LRRFIP1: variants seen among roughly 807,000 people sequenced by gnomAD.
LRRFIP1 encodes leucine-rich repeat flightless-interacting protein 1.
A neutral mutation model predicts 104.4 loss-of-function variants in LRRFIP1; 62 were observed. The ratio of observed to expected loss-of-function variants is 0.59; its 90% CI spans 0.48 to 0.73. The LOEUF is 0.73. Among genes scored for constraint, LRRFIP1 ranks in the 30% least tolerant of loss-of-function variants. The pLI is 0.00. For synonymous variants in LRRFIP1, 300 were observed against 299.0 expected (o/e 1.00, Z -0.03); for missense variants, 796 against 824.5 (o/e 0.97, Z 0.42).
At chr2:237,628,027 C>T (rs2149212521) in intron 1 of LRRFIP1, among the ~76,000 whole-genome samples, 1 of 151,692 alleles carries the variant, frequency 6.6e-6, no homozygotes, top group South Asian at 2.1e-4. Flanking sequence ...CCGCTGCGCC[C>T]TCGGGAGAGG....
chr2:237,711,517 G>T lies in LRRFIP1; in HGVS notation c.184-2742G>T, dbSNP rs866505097. Among the ~76,000 whole-genome samples the T allele has an allele frequency of 2.0e-4, 30 of 152,204 alleles. No individual in the cohort carries two copies. Among genetic ancestry groups the T allele is most frequent in the African/African-American group, 6.8e-4 (28 of 41,444 alleles). On this transcript the variant is annotated intron_variant, in intron 2 of 23. Coordinates refer to ENST00000308482, the MANE Select transcript of LRRFIP1 (RefSeq NM_001137550.2). The surrounding 1 kb of genome is among the most constrained non-coding windows in gnomAD (Gnocchi z 4.4). ...TTTGGCCAACGTCACCTTTTGCACG[G>T]TCCTCTGTGGATCTGCAGTCTCGGC...
At chr2:237,769,211 C>T (rs533213203) in intron 19 of LRRFIP1, 3 of 152,452 alleles carry the variant, frequency 2.0e-5, no homozygotes, top group Admixed American at 2.0e-4. Context: ...TGCCTTTAAA[C>T]TAGTGTGGGA....
intron 8 of LRRFIP1, among the ~76,000 whole-genome samples, chr2:237,729,526 G>C (rs540161741): frequency 4.5e-4 from 68 of 152,332 alleles, no homozygotes; most frequent in Non-Finnish European, 8.2e-4. Flanking sequence ...ATTGTGAAAA[G>C]CAGTACTAGA....
rs77110887 is a variant in LRRFIP1 at position 237,647,557 on chromosome 2, G to A, written c.96+19817G>A. ...GCAGGGTTGAGGGAGCAGAAGCGGG[G>A]TCCTGCCCTGTTGCCTGGTGGCCGG... On this transcript the variant is annotated intron_variant, in intron 1 of 23. Transcript: ENST00000308482. 5.2e-3 allele frequency among the ~76,000 whole-genome samples: 787 copies of A among 152,228 alleles called. 12 individuals are homozygous for A. The highest frequency in any genetic ancestry group is 0.018 in the African/African-American group (752 of 41,584).
intron 1 of LRRFIP1, among the ~76,000 whole-genome samples, chr2:237,679,269 T>C (rs1301600677): frequency 6.6e-6 from 1 of 152,246 alleles, no homozygotes; most frequent in African/African-American, 2.4e-5. Context: ...TTTTAAATGC[T>C]ATTTAAATTC....
At chr2:237,658,372 A>G (rs1053406496) in intron 1 of LRRFIP1, among the ~76,000 whole-genome samples, 1 of 152,254 alleles carries the variant, frequency 6.6e-6, no homozygotes, top group Admixed American at 6.5e-5. Flanking sequence ...AAGTTTATCT[A>G]CATAATGCAG....
At chr2:237,694,630 TG>T (rs1315286610) in intron 1 of LRRFIP1, among the ~76,000 whole-genome samples, 1 of 152,130 alleles carries the variant, frequency 6.6e-6, no homozygotes, top group Non-Finnish European at 1.5e-5. Context: ...AAGGAGGGAC[TG>T]GGGGCCGCAC....
At chr2:237,648,365 GA>G (rs2085320717) in intron 1 of LRRFIP1, among the ~76,000 whole-genome samples, 1 of 151,944 alleles carries the variant, frequency 6.6e-6, no homozygotes, top group African/African-American at 2.4e-5. Context: ...GTTCTTTGCT[GA>G]AATTATGTGG....
chr2:237,774,588 C>A, intron 23 of LRRFIP1, 126 bp downstream of exon 23: 1 of 675,498 alleles, frequency 1.5e-6, no homozygotes, highest in Non-Finnish European at 2.6e-6. Context: ...TCATCCCACA[C>A]CACTCTGCAG....
chr2:237,719,845 C>T (rs1406882918), intron 5 of LRRFIP1, among the ~76,000 whole-genome samples: 1 of 151,516 alleles, frequency 6.6e-6, no homozygotes, highest in Non-Finnish European at 1.5e-5. Context: ...CTTTTTGTGC[C>T]ATTGAATACC....
Position 237,771,364 on chromosome 2 carries a change from CCCTGCACGGAGT to C in LRRFIP1, c.1510-709_1510-698del, listed in dbSNP as rs1355904227. ...TTCCAAAAAGCATAGCTTGAATTTG[CCCTGCACGGAGT>C]CCTGCACTGAATCCACACAAATGAA... On this transcript the variant is annotated intron_variant, in intron 20 of 23. Coordinates refer to ENST00000308482, the MANE Select transcript of LRRFIP1 (RefSeq NM_001137550.2). Among the ~76,000 whole-genome samples, 8 of 151,376 alleles carry C rather than the reference CCCTGCACGGAGT, an allele frequency of 5.3e-5. No homozygotes were observed. The South Asian group carries it at 1.1e-3, about 20-fold the overall frequency.
At chr2:237,687,671 G>C (rs150580289) in intron 1 of LRRFIP1, among the ~76,000 whole-genome samples, 1 of 150,800 alleles carries the variant, frequency 6.6e-6, no homozygotes, top group Non-Finnish European at 1.5e-5. Flanking sequence ...CTCATGGTTT[G>C]TAGAAGTAAT....
intron 1 of LRRFIP1, among the ~76,000 whole-genome samples, chr2:237,663,287 G>A (rs1284603017): frequency 1.3e-5 from 2 of 152,254 alleles, no homozygotes; most frequent in Admixed American, 6.5e-5. Context: ...TAGTCTGAAC[G>A]TTTGTGTCTC....
At position 237,762,686 on chromosome 2, in the gene LRRFIP1, C is replaced by A. The variant is rs760132820; in HGVS notation, c.1459+2481C>A. On this transcript the variant is annotated intron_variant, in intron 19 of 23. Transcript: ENST00000308482. ...AATCTTGCACAATACTGAGAAAGAA[C>A]AACACACAGAGGACACAGTGAAGGA... 1.2e-5 allele frequency: 19 copies of A among 1,614,114 alleles called. No individual in the cohort carries two copies. The South Asian group carries it at 1.9e-4, about 16-fold the overall frequency.
At chr2:237,726,179 GT>G (rs767972610) in intron 7 of LRRFIP1, among the ~76,000 whole-genome samples, 6 of 152,146 alleles carry the variant, frequency 3.9e-5, no homozygotes, top group Non-Finnish European at 7.4e-5. Context: ...TTTCAGAAAT[GT>G]TTTAATGTTA....
intron 18 of LRRFIP1, among the ~76,000 whole-genome samples, chr2:237,759,279 G>GC (rs1559813189): frequency 6.6e-6 from 1 of 152,084 alleles, no homozygotes; most frequent in Non-Finnish European, 1.5e-5. Context: ...CCCTGTCCTT[G>GC]GTGGGCCACG....
intron 1 of LRRFIP1, among the ~76,000 whole-genome samples, chr2:237,683,994 C>G (rs553364339): frequency 6.6e-6 from 1 of 152,088 alleles, no homozygotes; most frequent in African/African-American, 2.4e-5. Context: ...ACATTTGTAG[C>G]GTGGTGGATT....
At chr2:237,637,857 T>C (rs531955748) in intron 1 of LRRFIP1, among the ~76,000 whole-genome samples, 5 of 152,260 alleles carry the variant, frequency 3.3e-5, no homozygotes, top group Non-Finnish European at 7.3e-5. Context: ...CTTTCATTTT[T>C]ATTTTTCACT....
intron 1 of LRRFIP1, among the ~76,000 whole-genome samples, chr2:237,636,625 T>C (rs2083165293): frequency 6.6e-6 from 1 of 152,234 alleles, no homozygotes; most frequent in African/African-American, 2.4e-5. Flanking sequence ...TTGTGTGTTT[T>C]GGCCTCTGTC....
Sources: allele counts gnomAD v4.1 joint callset (sites outside exome capture counted in the v4.1 genomes callset), GRCh38; gene constraint gnomAD v4.1.1; non-coding constraint Gnocchi (gnomAD v3.1); transcripts MANE v1.5; gene names NCBI Gene and HGNC (gene_info 2026-07-23, HGNC 2026-07-21).